The following SLC35E1 variants were observed in gnomAD, a reference collection of about 807,000 sequenced individuals.
SLC35E1 encodes the protein solute carrier family 35 member E1.
A neutral mutation model predicts 31.0 loss-of-function variants in SLC35E1; 12 were observed. The ratio of observed to expected loss-of-function variants is 0.39; its 90% CI spans 0.25 to 0.63. The LOEUF (loss-of-function observed/expected upper bound fraction) is 0.63, where lower values mean the gene tolerates loss of function less well. Ranked by LOEUF, SLC35E1 falls within the 20% of genes least tolerant of loss-of-function variation. The probability of loss-of-function intolerance (pLI) is 0.52; values close to 1 mark genes in which losing one functional copy is unlikely to be tolerated. For missense variants in SLC35E1, 429 were observed against 572.2 expected (o/e 0.75, Z 2.55); for synonymous variants, 257 against 264.1 (o/e 0.97, Z 0.26).
Position 16,552,986 on chromosome 19 carries a change from G to C in SLC35E1, c.*693C>G, listed in dbSNP as rs535908033. The C allele has an allele frequency of 6.6e-6, 1 of 152,372 alleles. No individual in the cohort carries two copies. The highest frequency in any genetic ancestry group is 2.1e-4 in the South Asian group (1 of 4,824). The allele number at this position is 152,372 out of a possible 1,614,324, so 9.4% of individuals were successfully genotyped here. On this transcript the variant is annotated 3_prime_UTR_variant, in exon 6 of 6. Transcript: ENST00000595753. ...GAAGTTTCCCTTCCATCTGGATCTG[G>C]GTGGATGCCAACCCTGACGTGCAGG...
chr19:16,568,215 C>A, intron 2 of SLC35E1, 46 bp from the exon 3 acceptor site: 1 of 1,551,478 alleles, frequency 6.4e-7, no homozygotes, highest in Admixed American at 2.0e-5. Flanking sequence ...CAGACTAGAG[C>A]TGGGCCACAT....
At position 16,572,350 on chromosome 19, in the gene SLC35E1, C is replaced by CGCGGCCGCCGCCATCCTGCCCGA; in HGVS notation, c.-9_14dup (p.Val6ArgfsTer43). ...CCCCCGCGCCGTGGCCCGCGCCCACCGCGGCCGCCGCCATCCTGCCCGAGC... is the reference window on the plus strand; with the variant it reads ...CCCCCGCGCCGTGGCCCGCGCCCACCGCGGCCGCCGCCATCCTGCCCGAGCGGCCGCCGCCATCCTGCCCGAGC... On this transcript the variant is annotated frameshift_variant, in exon 1 of 6. Transcript: ENST00000595753. LOFTEE classifies it high-confidence loss of function. The surrounding 1 kb of genome is among the most constrained non-coding windows in gnomAD (Gnocchi z 4.1). The CGCGGCCGCCGCCATCCTGCCCGA allele has an allele frequency of 1.9e-6, 2 of 1,036,232 alleles. No individual in the cohort carries two copies. Among genetic ancestry groups the CGCGGCCGCCGCCATCCTGCCCGA allele is most frequent in the Non-Finnish European group, 2.3e-6 (2 of 860,270 alleles). The allele number at this position is 1,036,232 out of a possible 1,614,324, so 64.2% of individuals were successfully genotyped here.
rs759322156 is a variant in SLC35E1 at position 16,555,139 on chromosome 19, C to T, written c.1002+13G>A. ...GCCGGCTTCCTTCCCTGCCCAGCCT[C>T]TCAGACTCTCACCTTGTTATAGAGG... On this transcript the variant is annotated intron_variant, in intron 5 of 5. Coordinates refer to ENST00000595753, the MANE Select transcript of SLC35E1 (RefSeq NM_024881.5). The surrounding 1 kb of genome is among the most constrained non-coding windows in gnomAD (Gnocchi z 4.1). 5 of 1,614,002 alleles carry T rather than the reference C, an allele frequency of 3.1e-6. No individual in the cohort carries two copies. The Admixed American group carries it at 6.7e-5, about 22-fold the overall frequency.
At chr19:16,556,151 T>A (rs1360629533) in intron 4 of SLC35E1, among the ~76,000 whole-genome samples, 2 of 151,912 alleles carry the variant, frequency 1.3e-5, no homozygotes, top group Non-Finnish European at 2.9e-5. Context: ...AGGTGGAGGT[T>A]GCAGTGAGCT....
intron 4 of SLC35E1, among the ~76,000 whole-genome samples, chr19:16,557,384 G>A (rs1013591180): frequency 3.9e-5 from 6 of 151,936 alleles, no homozygotes; most frequent in Non-Finnish European, 5.9e-5. Context: ...TAGTAGAGAC[G>A]GGGTTTCACC....
intron 2 of SLC35E1, among the ~76,000 whole-genome samples, chr19:16,571,226 A>C (rs1050531114): frequency 6.6e-6 from 1 of 152,154 alleles, no homozygotes; most frequent in Non-Finnish European, 1.5e-5. Context: ...CAGCAAACCC[A>C]GGTAGGGAAT....
In SLC35E1 at chr19:16,552,440, T is replaced by C. The variant is rs2085850381; in HGVS notation, c.*1239A>G. The C allele has an allele frequency of 6.6e-6, 1 of 151,768 alleles. No individual in the cohort carries two copies. The highest frequency in any genetic ancestry group is 1.5e-5 in the Non-Finnish European group (1 of 67,982). 9.4% of individuals were successfully genotyped at this position (151,768 alleles called of 1,614,324 possible). A position where few individuals can be genotyped will look rare whatever the true frequency, so the allele number is the denominator to read the frequency against. On this transcript the variant is annotated 3_prime_UTR_variant, in exon 6 of 6. Transcript: ENST00000595753. Reference sequence around the variant, plus strand: ...ACTTCTGCCTCCCAGGTTCAAGCAATTCGCCTGCCTCAGCAGCCTGAGGAG... The same window carrying C: ...ACTTCTGCCTCCCAGGTTCAAGCAACTCGCCTGCCTCAGCAGCCTGAGGAG...
chr19:16,555,075 G>A lies in SLC35E1; in HGVS notation c.1002+77C>T, dbSNP rs933012156. ...CATACAACCCCAGCCTTGAGCGCCC[G>A]GGAGGCCCTTCCTTTTCTGACTTCC... On this transcript the variant is annotated intron_variant, in intron 5 of 5. Transcript: ENST00000595753. This position sits in a 1 kb window ranked among gnomAD's most constrained non-coding sequence, Gnocchi z 4.1. The A allele has an allele frequency of 6.2e-5, 99 of 1,584,376 alleles. No individual in the cohort carries two copies. Among genetic ancestry groups the A allele is most frequent in the East Asian group, 5.4e-4 (24 of 44,504 alleles).
chr19:16,558,061 GAGAT>G (rs1380007879), intron 4 of SLC35E1, among the ~76,000 whole-genome samples: 2 of 147,150 alleles, frequency 1.4e-5, no homozygotes, highest in Non-Finnish European at 1.5e-5. Flanking sequence ...GTTTTTTTTT[GAGAT>G]AGAGTTTTGC....
chr19:16,565,625 C>G (rs984878641), intron 4 of SLC35E1: 2 of 154,774 alleles, frequency 1.3e-5, no homozygotes, highest in African/African-American at 4.8e-5. Flanking sequence ...TCAAGCAATT[C>G]TTCTGCCTCA....
intron 4 of SLC35E1, chr19:16,557,198 A>ATT (rs951255715): frequency 4.0e-4 from 108 of 269,296 alleles, no homozygotes; most frequent in South Asian, 7.6e-4. Context: ...AATTCCAGGC[A>ATT]TTTTTTTTTT....
chr19:16,554,140 C>T (rs2085861265), intron 5 of SLC35E1, among the ~76,000 whole-genome samples: 1 of 151,908 alleles, frequency 6.6e-6, no homozygotes, highest in Non-Finnish European at 1.5e-5. Context: ...GTGGCGCATG[C>T]TGTAGTTCCA....
chr19:16,569,716 C>T (rs560205071), intron 2 of SLC35E1, among the ~76,000 whole-genome samples: 30 of 152,290 alleles, frequency 2.0e-4, no homozygotes, highest in African/African-American at 6.7e-4. Flanking sequence ...AGTGATGGAA[C>T]GCGCCTGCAA....
intron 4 of SLC35E1, among the ~76,000 whole-genome samples, chr19:16,556,754 G>C (rs534210009): frequency 3.3e-5 from 5 of 152,242 alleles, no homozygotes; most frequent in African/African-American, 1.2e-4. Context: ...CAGGGTGACC[G>C]TGATTGGCGG....
At position 16,550,306 on chromosome 19, in the gene SLC35E1, A is replaced by G. The variant is rs972861781; in HGVS notation, c.*3373T>C. The G allele has an allele frequency of 2.6e-5, 4 of 152,428 alleles. No homozygotes were observed. The highest frequency in any genetic ancestry group is 4.1e-4 in the South Asian group (2 of 4,822). The allele number at this position is 152,428 out of a possible 1,614,324, so 9.4% of individuals were successfully genotyped here. On this transcript the variant is annotated 3_prime_UTR_variant, in exon 6 of 6. Transcript: ENST00000595753. ...CCAGCCAGACCATACCCTGATGGGT[A>G]AAGGAAATTCTCTACCACAGAGCTC...
At chr19:16,568,197 T>C (rs1194114576) in intron 2 of SLC35E1, 28 bp from the exon 3 acceptor site, 8 of 1,593,746 alleles carry the variant, frequency 5.0e-6, no homozygotes, top group Non-Finnish European at 6.0e-6. Flanking sequence ...CAAGAAGGGC[T>C]CACAGGCCAG....
intron 3 of SLC35E1, among the ~76,000 whole-genome samples, chr19:16,567,460 T>C (rs528343695): frequency 1.3e-5 from 2 of 152,362 alleles, no homozygotes; most frequent in African/African-American, 4.8e-5. Context: ...TAAGCTATGA[T>C]TGTGCCACTG....
intron 5 of SLC35E1, among the ~76,000 whole-genome samples, chr19:16,554,336 G>GACTT (rs1241188655): frequency 1.3e-5 from 2 of 151,346 alleles, no homozygotes; most frequent in African/African-American, 4.9e-5. Context: ...GCTTGAGCAA[G>GACTT]GAAAGCAGAC....
intron 1 of SLC35E1, 92 bp from the exon 2 acceptor site, chr19:16,571,674 C>A: frequency 2.2e-6 from 3 of 1,339,072 alleles, no homozygotes; most frequent in East Asian, 4.6e-5. Flanking sequence ...GGCCTGGCAG[C>A]CCCTCACACC....
Sources: allele counts gnomAD v4.1 joint callset (sites outside exome capture counted in the v4.1 genomes callset), GRCh38; gene constraint gnomAD v4.1.1; non-coding constraint Gnocchi (gnomAD v3.1); transcripts MANE v1.5; gene names NCBI Gene and HGNC (gene_info 2026-07-23, HGNC 2026-07-21).